GABRG3: variants seen among roughly 807,000 people sequenced by gnomAD.
GABRG3 encodes the protein gamma-aminobutyric acid type A receptor subunit gamma3, also known as gamma-aminobutyric acid receptor subunit gamma-3.
In GABRG3, 25 loss-of-function variants were observed where a neutral mutation model predicts 48.8. The observed-to-expected ratio is 0.51, with a 90% CI of 0.37 to 0.72. GABRG3 has a LOEUF of 0.72. Ranked by LOEUF, GABRG3 falls within the 30% of genes least tolerant of loss-of-function variation. GABRG3 has a pLI of 0.00. For missense variants in GABRG3, 394 were observed against 577.9 expected, an observed-to-expected ratio of 0.68 and a Z score of 3.26; for synonymous variants, 227 against 217.6, an observed-to-expected ratio of 1.04 and a Z score of -0.38.
intron 3 of GABRG3, among the ~76,000 whole-genome samples, chr15:27,268,399 A>G (rs116552142): frequency 2.5e-3 from 377 of 152,294 alleles, no homozygotes; most frequent in African/African-American, 8.2e-3. Context: ...GGTTTTTGAT[A>G]CAACTAATTT....
intron 3 of GABRG3, among the ~76,000 whole-genome samples, chr15:27,230,164 G>T: frequency 6.6e-6 from 1 of 152,044 alleles, no homozygotes; most frequent in South Asian, 2.1e-4. Context: ...TGTGGCAATT[G>T]TAAATGGGAT....
intron 6 of GABRG3, among the ~76,000 whole-genome samples, chr15:27,509,393 G>A (rs1354797000): frequency 6.6e-6 from 1 of 151,974 alleles, no homozygotes; most frequent in East Asian, 1.9e-4. Flanking sequence ...TTTGGTGTCT[G>A]TCATTATTTT....
intron 3 of GABRG3, among the ~76,000 whole-genome samples, chr15:27,099,061 T>C (rs1342148772): frequency 6.6e-6 from 1 of 152,150 alleles, no homozygotes; most frequent in African/African-American, 2.4e-5. Flanking sequence ...AAGACACCCT[T>C]GAATAAGAGA....
Position 27,109,529 on chromosome 15 carries a change from C to T in GABRG3, c.270+82708C>T, listed in dbSNP as rs568904749. On this transcript the variant is annotated intron_variant, in intron 3 of 9. Transcript: ENST00000615808. ...ATCCCTGGCAACCAATGATTGTTTT[C>T]CTGTCGCCATAGTTTTGCCATCCTT... Among the ~76,000 whole-genome samples, 170 of 152,290 alleles carry T rather than the reference C, an allele frequency of 1.1e-3. 1 individual carries two copies. The highest frequency in any genetic ancestry group is 4.1e-3 in the African/African-American group (169 of 41,552).
At chr15:27,090,056 A>G (rs958956818) in intron 3 of GABRG3, among the ~76,000 whole-genome samples, 5 of 152,210 alleles carry the variant, frequency 3.3e-5, no homozygotes, top group East Asian at 3.8e-4. Flanking sequence ...TCTTTTGTGT[A>G]TAGACAGGTA....
chr15:27,192,545 G>A lies in GABRG3; in HGVS notation c.271-134264G>A, dbSNP rs8038961. ...CTCCTGAGGCTTCTGCATTCTTCAC[G>A]TAGTTCTTGAGCCTTGGTTTTCAGC... On this transcript the variant is annotated intron_variant, in intron 3 of 9. Transcript: ENST00000615808. Among the ~76,000 whole-genome samples the A allele has an allele frequency of 6.8e-3, 1,033 of 152,116 alleles. 10 individuals are homozygous for A. Among genetic ancestry groups the A allele is most frequent in the African/African-American group, 0.024 (995 of 41,462 alleles).
chr15:27,271,006 G>A (rs1313863803), intron 3 of GABRG3, among the ~76,000 whole-genome samples: 4 of 152,150 alleles, frequency 2.6e-5, no homozygotes, highest in African/African-American at 4.8e-5. Flanking sequence ...GAAATTCAAC[G>A]GATGAATTCA....
chr15:27,217,520 G>T (rs1465625444), intron 3 of GABRG3, among the ~76,000 whole-genome samples: 1 of 152,168 alleles, frequency 6.6e-6, no homozygotes, highest in African/African-American at 2.4e-5. Context: ...TTGTCCTGTG[G>T]GATCTGCCCC....
intron 3 of GABRG3, among the ~76,000 whole-genome samples, chr15:27,064,363 C>T (rs184886353): frequency 2.0e-5 from 3 of 152,234 alleles, no homozygotes; most frequent in Admixed American, 6.5e-5. Context: ...CCTGTGGTTG[C>T]GCTGGAGTCA....
intron 2 of GABRG3, among the ~76,000 whole-genome samples, chr15:27,017,700 C>T (rs751688062): frequency 6.6e-6 from 1 of 152,186 alleles, no homozygotes; most frequent in Non-Finnish European, 1.5e-5. Context: ...AATTTTCCTA[C>T]GGGGACTTCT....
rs531849088 is a variant in GABRG3, at chr15:27,017,052, C to T, written c.203-9702C>T. Among the ~76,000 whole-genome samples, 10 of 152,182 alleles carry T rather than the reference C, an allele frequency of 6.6e-5. No homozygotes were observed. In the East Asian group the frequency reaches 7.7e-4, roughly 12 times the overall value. On this transcript the variant is annotated intron_variant, in intron 2 of 9. Coordinates refer to ENST00000615808, the MANE Select transcript of GABRG3 (RefSeq NM_033223.5). ...TCTTTTACTCCATTGAACATCCTTA[C>T]GACAGTTATTTTGAATTATTTATCT...
intron 3 of GABRG3, among the ~76,000 whole-genome samples, chr15:27,125,500 A>G (rs934642862): frequency 2.6e-5 from 4 of 152,222 alleles, no homozygotes; most frequent in Non-Finnish European, 5.9e-5. Context: ...TCACAACACA[A>G]CTGATAAGTA....
chr15:27,329,148 A>G (rs930468671), intron 5 of GABRG3, among the ~76,000 whole-genome samples: 1 of 152,256 alleles, frequency 6.6e-6, no homozygotes, highest in African/African-American at 2.4e-5. Flanking sequence ...CTGATGAACC[A>G]TTGATTTACC....
At chr15:26,980,371 T>C (rs1381594135) in intron 2 of GABRG3, among the ~76,000 whole-genome samples, 1 of 152,182 alleles carries the variant, frequency 6.6e-6, no homozygotes, top group Non-Finnish European at 1.5e-5. Context: ...TTTTCTTCTT[T>C]TTGAAGTAGA....
intron 5 of GABRG3, among the ~76,000 whole-genome samples, chr15:27,460,478 C>T (rs548208831): frequency 6.6e-6 from 1 of 152,308 alleles, no homozygotes; most frequent in African/African-American, 2.4e-5. Flanking sequence ...GAAGACCTGA[C>T]CTCCTCAGTG....
intron 3 of GABRG3, among the ~76,000 whole-genome samples, chr15:27,181,602 A>G (rs185817137): frequency 1.3e-5 from 2 of 152,306 alleles, no homozygotes; most frequent in East Asian, 3.9e-4. Flanking sequence ...CTACTCGTAC[A>G]TCCTGCCCAC....
rs1012865311 is a variant in GABRG3 at position 27,539,634 on chromosome 15, T to C, written c.*6753T>C. 1.3e-5 allele frequency: 2 copies of C among 152,122 alleles called. No homozygotes were observed. The highest frequency in any genetic ancestry group is 2.9e-5 in the Non-Finnish European group (2 of 68,034). 9.4% of individuals were successfully genotyped at this position (152,122 alleles called of 1,614,324 possible). ...GGAAGGATTTTCAATGTCAATTTCATCCATGAGTGAAGACCCCCCACTGCA... is the reference window on the plus strand; with the variant it reads ...GGAAGGATTTTCAATGTCAATTTCACCCATGAGTGAAGACCCCCCACTGCA... On this transcript the variant is annotated 3_prime_UTR_variant, in exon 10 of 10. Transcript: ENST00000615808.
intron 3 of GABRG3, among the ~76,000 whole-genome samples, chr15:27,086,958 C>G (rs564695903): frequency 6.6e-6 from 1 of 152,238 alleles, no homozygotes; most frequent in Admixed American, 6.5e-5. Context: ...TCTGGGGAGC[C>G]CAGACTTCCG....
At chr15:27,256,224 G>A in intron 3 of GABRG3, among the ~76,000 whole-genome samples, 1 of 151,802 alleles carries the variant, frequency 6.6e-6, no homozygotes. Flanking sequence ...GGGCGGATCA[G>A]GAGGTCAGGA....
Sources: gnomAD v4.1 joint callset for allele counts (sites outside exome capture counted in the v4.1 genomes callset) on GRCh38, gnomAD v4.1.1 for gene constraint, MANE v1.5 for transcripts, NCBI Gene and HGNC (gene_info 2026-07-23, HGNC 2026-07-21) for gene names.